COL4A4: variants seen among roughly 807,000 people sequenced by gnomAD.
The protein encoded by COL4A4 is collagen type IV alpha 4 chain.
Under a neutral mutation model 192.9 loss-of-function variants are expected in COL4A4, and 105 were observed. That is an observed-to-expected ratio of 0.54 (90% CI 0.46 to 0.64). The LOEUF (loss-of-function observed/expected upper bound fraction) is 0.64, where lower values mean the gene tolerates loss of function less well. Ranked by LOEUF, COL4A4 falls within the 30% of genes least tolerant of loss-of-function variation. The pLI is 0.00. For missense variants in COL4A4, 1,967 were observed against 2,169.3 expected (o/e 0.91, Z 1.85); for synonymous variants, 762 against 769.9 (o/e 0.99, Z 0.17).
chr2:227,119,737 G>A (rs983397197), intron 6 of COL4A4, among the ~76,000 whole-genome samples, 158 bp downstream of exon 6: 17 of 147,966 alleles, frequency 1.1e-4, no homozygotes, highest in Admixed American at 4.7e-4. Context: ...TATATATTAC[G>A]TTGCTTGTGG....
chr2:226,968,259 A>C, the COL4A4 span, among the ~76,000 whole-genome samples: 1 of 152,184 alleles, frequency 6.6e-6, no homozygotes, highest in Non-Finnish European at 1.5e-5. Flanking sequence ...AAACCAGTGG[A>C]GACATATATT....
intron 17 of COL4A4, among the ~76,000 whole-genome samples, chr2:227,101,227 C>A (rs1218771849): frequency 1.3e-5 from 2 of 152,136 alleles, no homozygotes; most frequent in African/African-American, 4.8e-5. Context: ...ACGTGACTTG[C>A]TCCTTCTTGC....
At chr2:227,111,628 A>G (rs752748849) in intron 9 of COL4A4, 50 bp downstream of exon 9, 2 of 1,584,404 alleles carry the variant, frequency 1.3e-6, no homozygotes, top group Non-Finnish European at 1.7e-6. Context: ...CGTGGATCAT[A>G]GGCTATTTGA....
chr2:227,065,444 A>C (rs2058262349), intron 25 of COL4A4, among the ~76,000 whole-genome samples: 1 of 152,238 alleles, frequency 6.6e-6, no homozygotes, highest in African/African-American at 2.4e-5. Flanking sequence ...ACAAACAAAA[A>C]GACAGCAGTA....
chr2:227,147,955 G>A (rs2063657891), intron 1 of COL4A4, among the ~76,000 whole-genome samples: 1 of 151,534 alleles, frequency 6.6e-6, no homozygotes, highest in Non-Finnish European at 1.5e-5. Context: ...TCACTCAAAT[G>A]CTTCTTTTAC....
chr2:227,029,264 G>A (rs1404292349), intron 41 of COL4A4, among the ~76,000 whole-genome samples: 1 of 152,156 alleles, frequency 6.6e-6, no homozygotes, highest in African/African-American at 2.4e-5. Context: ...ATTCCCTAGA[G>A]TAACTAAGGA....
intron 44 of COL4A4, among the ~76,000 whole-genome samples, chr2:227,016,456 AG>A (rs1269074610): frequency 6.6e-6 from 1 of 152,176 alleles, no homozygotes; most frequent in African/African-American, 2.4e-5. Context: ...TGCCCATTTT[AG>A]TAACCCCAGT....
chr2:227,142,417 T>C (rs964502689), intron 3 of COL4A4, among the ~76,000 whole-genome samples: 6 of 152,220 alleles, frequency 3.9e-5, no homozygotes, highest in South Asian at 2.1e-4. Flanking sequence ...AAAGTCACTA[T>C]CTGCCTTATC....
At chr2:227,059,008 TAGAGTGTTCCC>T (rs1976207953) in intron 28 of COL4A4, among the ~76,000 whole-genome samples, 1 of 152,168 alleles carries the variant, frequency 6.6e-6, no homozygotes, top group African/African-American at 2.4e-5. Context: ...GGCTCTCCCA[TAGAGTGTTCCC>T]AGATGCCAGC....
intron 7 of COL4A4, among the ~76,000 whole-genome samples, chr2:227,115,064 A>C (rs936396180): frequency 1.3e-5 from 2 of 152,070 alleles, no homozygotes; most frequent in African/African-American, 4.8e-5. Context: ...ATATATAGAG[A>C]GAGAGATTTT....
downstream of COL4A4, among the ~76,000 whole-genome samples, chr2:227,001,361 C>T (rs1453084895): frequency 1.3e-5 from 2 of 148,730 alleles, no homozygotes; most frequent in Non-Finnish European, 3.0e-5. Flanking sequence ...GGCTGGTTTT[C>T]AGTTGACCCT....
intron 44 of COL4A4, among the ~76,000 whole-genome samples, chr2:227,017,179 T>C (rs749431846): frequency 9.9e-5 from 15 of 152,214 alleles, no homozygotes; most frequent in South Asian, 2.1e-4. Flanking sequence ...TTCCTCCTGA[T>C]GTATAGACTC....
intron 19 of COL4A4, among the ~76,000 whole-genome samples, chr2:227,096,639 C>G (rs1185856067): frequency 1.3e-5 from 2 of 152,138 alleles, no homozygotes; most frequent in East Asian, 3.9e-4. Flanking sequence ...AGGCTGTATA[C>G]ATATTATTTC....
chr2:227,130,526 C>A (rs571220108), intron 4 of COL4A4, among the ~76,000 whole-genome samples: 1 of 152,196 alleles, frequency 6.6e-6, no homozygotes, highest in African/African-American at 2.4e-5. Flanking sequence ...TTGATTTGCT[C>A]CCACCTGTGT....
At chr2:226,995,702 G>A in the COL4A4 span, 5 of 602,462 alleles carry the variant, frequency 8.3e-6, no homozygotes, top group Admixed American at 3.0e-5. Context: ...CACAGCTTGC[G>A]GGGAGTGGGC....
the COL4A4 span, among the ~76,000 whole-genome samples, chr2:226,992,786 G>A: frequency 6.6e-6 from 1 of 152,178 alleles, no homozygotes; most frequent in Non-Finnish European, 1.5e-5. Context: ...CACTTGCGGT[G>A]TGAGAACCGA....
chr2:227,022,608 C>T (rs1028314480), intron 43 of COL4A4: 80 of 517,906 alleles, frequency 1.5e-4, no homozygotes, highest in Non-Finnish European at 2.3e-4. Flanking sequence ...CCTTACTCTA[C>T]ACTGCAGCCA....
Position 227,051,096 on chromosome 2 carries a change from C to A in COL4A4, c.3031G>T (p.Gly1011Ter). 6.2e-7 allele frequency: 1 copy of A among 1,614,120 alleles called. No individual in the cohort carries two copies. Among genetic ancestry groups the A allele is most frequent in the Non-Finnish European group, 8.5e-7 (1 of 1,180,002 alleles). The change falls in exon 33 of 48, where the codon GGA becomes TGA. Residue 1011 changes from glycine (G) to a stop codon, truncating the protein, a stop_gained. Coordinates refer to ENST00000396625, the MANE Select transcript of COL4A4 (RefSeq NM_000092.5). LOFTEE classifies it high-confidence loss of function. ...RGEPGRYGPP[G>*]FHRGEPGEKG... is the part of the protein sequence containing the mutation. The stretch of plus-strand genomic sequence containing the variant: ...TCACCAGGTTCCCCTCTGTGAAATC[C>A]AGGTGGTCCGTATCTTCCCGGCTCT...
chr2:227,057,441 G>A lies in COL4A4; in HGVS notation c.2543C>T (p.Pro848Leu). ...QPGLPGYPGS[P>L]GAPGGKGQPG... The stretch of plus-strand genomic sequence containing the variant: ...CCTTCACAGTTCTTGACACTTACCT[G>A]GGCTACCTGGATACCCAGGGAGTCC... The change falls in exon 29 of 48, where the codon CCA becomes CTA. Residue 848 changes from proline to leucine, a missense_variant and splice_region_variant. Coordinates refer to ENST00000396625, the MANE Select transcript of COL4A4 (RefSeq NM_000092.5). 6.2e-7 allele frequency: 1 copy of A among 1,603,418 alleles called. No individual in the cohort carries two copies. Among genetic ancestry groups the A allele is most frequent in the African/African-American group, 1.3e-5 (1 of 74,948 alleles).
Sources: allele counts gnomAD v4.1 joint callset (sites outside exome capture counted in the v4.1 genomes callset), GRCh38; gene constraint gnomAD v4.1.1; transcripts MANE v1.5; gene names NCBI Gene and HGNC (gene_info 2026-07-23, HGNC 2026-07-21).